Variants in TSPAN16 observed in about 807,000 individuals in gnomAD.
TSPAN16 encodes the protein tetraspanin-16.
A neutral mutation model predicts 25.2 loss-of-function variants in TSPAN16; 23 were observed. The observed-to-expected ratio is 0.91, with a 90% CI of 0.66 to 1.29. TSPAN16 has a LOEUF of 1.29. Among genes scored for constraint, TSPAN16 ranks in the 50% most tolerant of loss-of-function variants. TSPAN16 has a pLI of 0.00. For missense variants in TSPAN16, 272 were observed against 299.9 expected, an observed-to-expected ratio of 0.91 and a Z score of 0.69; for synonymous variants, 123 against 124.4, an observed-to-expected ratio of 0.99 and a Z score of 0.08.
In TSPAN16 at chr19:11,325,712, T is replaced by A. The variant is rs2080808770; in HGVS notation, c.688-1082T>A. 18 of 830,738 alleles carry A rather than the reference T, an allele frequency of 2.2e-5. No individual in the cohort carries two copies. In the East Asian group the frequency reaches 4.6e-4, roughly 21 times the overall value. The allele number at this position is 830,738 out of a possible 1,614,324, so 51.5% of individuals were successfully genotyped here. A position where few individuals can be genotyped will look rare whatever the true frequency, so the allele number is the denominator to read the frequency against. ...ATCCTGCTGTGGGACCTTGGTTGTG[T>A]GCCTTTGCCACTCCAAGCCTCAGTT... On this transcript the variant is annotated intron_variant, in intron 6 of 6. Coordinates refer to the TSPAN16 transcript ENST00000316737.
At chr19:11,303,099 C>T (rs1244540005) in intron 4 of TSPAN16, among the ~76,000 whole-genome samples, 124 of 149,686 alleles carry the variant, frequency 8.3e-4, no homozygotes, top group Non-Finnish European at 1.7e-3. Context: ...ACAATCGCGG[C>T]TTTGTGGAAT....
At chr19:11,315,065 A>G (rs1194026368) in intron 6 of TSPAN16, among the ~76,000 whole-genome samples, 1 of 150,598 alleles carries the variant, frequency 6.6e-6, no homozygotes, top group Non-Finnish European at 1.5e-5. Flanking sequence ...GTGAAACCCC[A>G]TCTCTACTAA....
intron 4 of TSPAN16, among the ~76,000 whole-genome samples, chr19:11,303,208 A>G (rs1007263854): frequency 2.8e-5 from 4 of 144,362 alleles, no homozygotes; most frequent in Non-Finnish European, 5.9e-5. Context: ...TTTGTTCTGT[A>G]CTAAGAAAAA....
Position 11,298,201 on chromosome 19 carries a change from G to A in TSPAN16, c.129G>A (p.Leu43=), listed in dbSNP as rs894535549. 1.2e-6 allele frequency: 2 copies of A among 1,614,174 alleles called. No homozygotes were observed. The highest frequency in any genetic ancestry group is 3.3e-5 in the Admixed American group (2 of 60,010). Residue 43 remains leucine (L), a synonymous_variant, in exon 2 of 7, where the codon CTG becomes CTA. Coordinates refer to ENST00000590327, the MANE Select transcript of TSPAN16 (RefSeq NM_001282509.2). Reference sequence around the variant, plus strand: ...GTGGTAAATGTGGAGGGGCCTCTCTGACGAATGTCCTCGGGCTGTCCTCCG... The same window carrying A: ...GTGGTAAATGTGGAGGGGCCTCTCTAACGAATGTCCTCGGGCTGTCCTCCG... ...GIGGKCGGAS[L]TNVLGLSSAY...
chr19:11,302,454 G>A (rs567145264), intron 4 of TSPAN16, among the ~76,000 whole-genome samples: 141 of 146,206 alleles, frequency 9.6e-4, no homozygotes, highest in African/African-American at 2.8e-3. Context: ...GCTTGAATCC[G>A]GGAGGCAGAG....
intron 5 of TSPAN16, among the ~76,000 whole-genome samples, chr19:11,311,426 G>C (rs932595957): frequency 6.6e-6 from 1 of 151,868 alleles, no homozygotes; most frequent in Non-Finnish European, 1.5e-5. Context: ...GAACCACCAC[G>C]CCCAGCCTAT....
chr19:11,321,118 A>G (rs1322928998), intron 6 of TSPAN16, among the ~76,000 whole-genome samples: 5 of 151,884 alleles, frequency 3.3e-5, no homozygotes, highest in South Asian at 2.1e-4. Context: ...GCAGTGAGCC[A>G]AGATGGCACC....
intron 6 of TSPAN16, among the ~76,000 whole-genome samples, chr19:11,321,751 G>A (rs1433062317): frequency 6.6e-6 from 1 of 152,216 alleles, no homozygotes; most frequent in East Asian, 1.9e-4. Flanking sequence ...TGCAAGTAAG[G>A]TGGGAGCCAT....
intron 6 of TSPAN16, among the ~76,000 whole-genome samples, chr19:11,314,698 G>A (rs1225415404): frequency 6.6e-6 from 1 of 152,062 alleles, no homozygotes; most frequent in African/African-American, 2.4e-5. Flanking sequence ...AGGCGCCCAG[G>A]AGCTAAAGAC....
chr19:11,313,025 G>C (rs986499454), intron 6 of TSPAN16, among the ~76,000 whole-genome samples: 3 of 152,230 alleles, frequency 2.0e-5, no homozygotes, highest in Admixed American at 2.0e-4. Flanking sequence ...AGCAAGTAAT[G>C]ACATTAAATT....
chr19:11,318,656 CTTTT>C (rs74180018), downstream of TSPAN16, among the ~76,000 whole-genome samples: 1 of 149,120 alleles, frequency 6.7e-6, no homozygotes, highest in Admixed American at 6.7e-5. Flanking sequence ...TTTTCTTTTT[CTTTT>C]TTTTTTGAGA....
chr19:11,305,256 G>A (rs923650116), intron 4 of TSPAN16, among the ~76,000 whole-genome samples: 3 of 152,106 alleles, frequency 2.0e-5, no homozygotes, highest in Non-Finnish European at 4.4e-5. Context: ...GGTGCTGGGC[G>A]CAGTGGCTCA....
intron 5 of TSPAN16, among the ~76,000 whole-genome samples, chr19:11,310,304 T>G (rs1391187049): frequency 6.6e-6 from 1 of 151,862 alleles, no homozygotes; most frequent in Non-Finnish European, 1.5e-5. Context: ...GGTGTGTGGA[T>G]CACCTGAGGT....
In TSPAN16 at chr19:11,321,858, G is replaced by C. The variant is rs543216461; in HGVS notation, c.688-4936G>C. On this transcript the variant is annotated intron_variant, in intron 6 of 6. Transcript: ENST00000316737. Reference sequence around the variant, plus strand: ...AGAACTGAGCTTTTTACTAGAAGTAGTTGAGGGAAATAGTGTCCTCCCTAC... The same window carrying C: ...AGAACTGAGCTTTTTACTAGAAGTACTTGAGGGAAATAGTGTCCTCCCTAC... Among the ~76,000 whole-genome samples the C allele has an allele frequency of 1.9e-4, 29 of 152,260 alleles. No individual in the cohort carries two copies. The East Asian group carries it at 5.2e-3, about 27-fold the overall frequency.
In TSPAN16 at chr19:11,301,295, T is replaced by G. The variant is rs139790783; in HGVS notation, c.437T>G (p.Leu146Trp). The change falls in exon 4 of 7, where the codon TTG (leucine) becomes TGG (tryptophan). Residue 146 changes from leucine to tryptophan, a missense_variant. Transcript: ENST00000590327. ...EPDDYSTQWN[L>W]VMEKLKCCGV... The stretch of plus-strand genomic sequence containing the variant: ...GACGACTATTCTACACAGTGGAACT[T>G]GGTCATGGAGAAGGTGAGGCTTACT... 25 of 1,613,374 alleles carry G rather than the reference T, an allele frequency of 1.5e-5. No homozygotes were observed. In the African/African-American group the frequency reaches 3.2e-4, roughly 21 times the overall value.
rs1304634022 is a variant in TSPAN16 at position 11,300,440 on chromosome 19, G to C, written c.343-761G>C. On this transcript the variant is annotated intron_variant, in intron 3 of 6. Coordinates refer to ENST00000590327, the MANE Select transcript of TSPAN16 (RefSeq NM_001282509.2). ...GGGGCATGTGGGCTCAGAGGCCAGAGAATCCTCACTTGCTGGCACTAGGGA... is the reference window on the plus strand; with the variant it reads ...GGGGCATGTGGGCTCAGAGGCCAGACAATCCTCACTTGCTGGCACTAGGGA... Among the ~76,000 whole-genome samples, 3 of 152,270 alleles carry C rather than the reference G, an allele frequency of 2.0e-5. No individual in the cohort carries two copies. The East Asian group carries it at 5.8e-4, about 29-fold the overall frequency.
In TSPAN16 at chr19:11,304,404, G is replaced by A. The variant is rs1000581120; in HGVS notation, c.451-2200G>A. Among the ~76,000 whole-genome samples, 21 of 151,418 alleles carry A rather than the reference G, an allele frequency of 1.4e-4. 1 individual carries two copies. Among genetic ancestry groups the A allele is most frequent in the African/African-American group, 4.2e-4 (17 of 40,850 alleles). On this transcript the variant is annotated intron_variant, in intron 4 of 6. Transcript: ENST00000590327. ...AAAACTCAGGCTGGAGTTCAGTGGC[G>A]CAATCTCGGCTCACTGCAGGCACAA...
chr19:11,302,156 G>A (rs145511467), intron 4 of TSPAN16, among the ~76,000 whole-genome samples: 26 of 152,142 alleles, frequency 1.7e-4, no homozygotes, highest in African/African-American at 5.8e-4. Context: ...GCAGTTCAGC[G>A]GCATTAAGCA....
chr19:11,311,089 G>A (rs926080021), intron 5 of TSPAN16, among the ~76,000 whole-genome samples: 1 of 135,020 alleles, frequency 7.4e-6, no homozygotes, highest in Non-Finnish European at 1.6e-5. Flanking sequence ...TGCCAGCCTC[G>A]GCCTCTCAGA....
Sources: allele counts gnomAD v4.1 joint callset (sites outside exome capture counted in the v4.1 genomes callset), GRCh38; gene constraint gnomAD v4.1.1; transcripts MANE v1.5; gene names NCBI Gene and HGNC (gene_info 2026-07-23, HGNC 2026-07-21).